Variants in CDKN3 observed in about 807,000 individuals in gnomAD.
The protein encoded by CDKN3 is cyclin-dependent kinase inhibitor 3.
CDKN3 carries 19 observed loss-of-function variants against 36.1 expected under a neutral mutation model. The ratio of observed to expected loss-of-function variants is 0.53; its 90% CI spans 0.37 to 0.77. The LOEUF (loss-of-function observed/expected upper bound fraction) is 0.77. CDKN3 is among the 30% of genes least tolerant of loss of function. The pLI is 0.00. For missense variants in CDKN3, 188 were observed against 248.6 expected, an observed-to-expected ratio of 0.76 and a Z score of 1.64; for synonymous variants, 71 against 85.3, an observed-to-expected ratio of 0.83 and a Z score of 0.92.
At chr14:54,411,417 C>T in intron 4 of CDKN3, 67 bp from the exon 5 acceptor site, 1 of 1,214,098 alleles carries the variant, frequency 8.2e-7, no homozygotes, top group Non-Finnish European at 1.2e-6. Context: ...TATTCTCCCT[C>T]TTGATGGTAT....
chr14:54,401,648 C>A, intron 3 of CDKN3, 69 bp downstream of exon 3: 1 of 1,104,294 alleles, frequency 9.1e-7, no homozygotes, highest in Non-Finnish European at 1.3e-6. Context: ...ATTGCAGTAG[C>A]TTTTGGGGGG....
At chr14:54,402,523 T>G (rs1283100068) in intron 3 of CDKN3, among the ~76,000 whole-genome samples, 1 of 152,214 alleles carries the variant, frequency 6.6e-6, no homozygotes, top group Non-Finnish European at 1.5e-5. Context: ...GATGATAGTT[T>G]CTTTTGCTGT....
At chr14:54,397,164 C>A in intron 1 of CDKN3, 87 bp downstream of exon 1, 1 of 1,345,476 alleles carries the variant, frequency 7.4e-7, no homozygotes, top group Non-Finnish European at 9.7e-7. Flanking sequence ...GGAGGGCAGC[C>A]CTAGCCTGGT....
At chr14:54,399,276 G>A (rs10147075) in intron 1 of CDKN3, among the ~76,000 whole-genome samples, 1,637 of 152,060 alleles carry the variant, frequency 0.011, 27 homozygotes, top group African/African-American at 0.037. Flanking sequence ...ATAAGCCACC[G>A]CACCCTCCCT....
At chr14:54,402,764 A>G (rs1054777994) in intron 3 of CDKN3, among the ~76,000 whole-genome samples, 7 of 152,216 alleles carry the variant, frequency 4.6e-5, no homozygotes, top group Non-Finnish European at 7.3e-5. Flanking sequence ...AGTTTTCTAC[A>G]TATGGCTAGC....
chr14:54,399,356 C>G (rs796636572), intron 1 of CDKN3, among the ~76,000 whole-genome samples: 29 of 152,296 alleles, frequency 1.9e-4, no homozygotes, highest in African/African-American at 5.5e-4. Flanking sequence ...GAAGCCTTCT[C>G]CAGCTACCTA....
At chr14:54,415,807 A>T (rs2030517882) in intron 5 of CDKN3, 92 bp from the exon 6 acceptor site, 2 of 871,458 alleles carry the variant, frequency 2.3e-6, no homozygotes, top group Admixed American at 3.4e-5. Flanking sequence ...TAGGCATTAG[A>T]GTTGTAAATA....
At chr14:54,404,643 C>T (rs528414387) in intron 3 of CDKN3, among the ~76,000 whole-genome samples, 1 of 152,090 alleles carries the variant, frequency 6.6e-6, no homozygotes, top group East Asian at 1.9e-4. Flanking sequence ...GGCACAATCT[C>T]GGCTCACTGC....
At chr14:54,419,774 C>G (rs922587235) in intron 7 of CDKN3, among the ~76,000 whole-genome samples, 1 of 152,124 alleles carries the variant, frequency 6.6e-6, no homozygotes, top group South Asian at 2.1e-4. Context: ...TTCATTTCAC[C>G]TTCTGATTTT....
chr14:54,417,002 G>A (rs2139989021), intron 6 of CDKN3, among the ~76,000 whole-genome samples: 1 of 152,272 alleles, frequency 6.6e-6, no homozygotes, highest in Admixed American at 6.5e-5. Context: ...CAATTAGGAA[G>A]GGTATTATAA....
intron 5 of CDKN3, 148 bp from the exon 6 acceptor site, chr14:54,415,751 A>G: frequency 1.4e-6 from 1 of 694,044 alleles, no homozygotes; most frequent in Non-Finnish European, 2.6e-6. Context: ...CTCTCAGTTG[A>G]TTAAATCAAA....
intron 5 of CDKN3, chr14:54,413,629 G>A (rs759553504): frequency 1.3e-6 from 2 of 1,535,168 alleles, no homozygotes; most frequent in South Asian, 2.4e-5. Flanking sequence ...GTCCTACGGT[G>A]ACTAGTTTAT....
chr14:54,397,562 G>A (rs530561758), intron 1 of CDKN3, among the ~76,000 whole-genome samples: 1 of 152,346 alleles, frequency 6.6e-6, no homozygotes, highest in South Asian at 2.1e-4. Context: ...AGGGCCACCT[G>A]GCAATGCTGC....
At chr14:54,407,247 C>A (rs1277864028) in intron 3 of CDKN3, among the ~76,000 whole-genome samples, 2 of 152,170 alleles carry the variant, frequency 1.3e-5, no homozygotes, top group Non-Finnish European at 2.9e-5. Flanking sequence ...CTGCCGGATG[C>A]CAGCTGGAGT....
rs948875742 is a variant in CDKN3, at chr14:54,418,227, C to T, written c.552+276C>T. On this transcript the variant is annotated intron_variant, in intron 7 of 7. Coordinates refer to ENST00000335183, the MANE Select transcript of CDKN3 (RefSeq NM_005192.4). ...TTACTTTTCCAGGATCTACCTACTT[C>T]TCAGTTTTTGCCCCAGTCCGTTTTG... 3 of 702,232 alleles carry T rather than the reference C, an allele frequency of 4.3e-6. No individual in the cohort carries two copies. The African/African-American group carries it at 5.2e-5, about 12-fold the overall frequency. 43.5% of individuals were successfully genotyped at this position (702,232 alleles called of 1,614,324 possible).
At chr14:54,408,387 A>G (rs1324601424) in intron 3 of CDKN3, among the ~76,000 whole-genome samples, 1 of 152,256 alleles carries the variant, frequency 6.6e-6, no homozygotes, top group African/African-American at 2.4e-5. Context: ...CTCATGGTGG[A>G]CTATAGTTAA....
At chr14:54,415,410 C>G (rs2030504250) in intron 5 of CDKN3, among the ~76,000 whole-genome samples, 1 of 152,222 alleles carries the variant, frequency 6.6e-6, no homozygotes, top group African/African-American at 2.4e-5. Context: ...CTTTACACAT[C>G]TAATAAGTGG....
At chr14:54,415,453 T>C (rs2030507287) in intron 5 of CDKN3, among the ~76,000 whole-genome samples, 1 of 152,246 alleles carries the variant, frequency 6.6e-6, no homozygotes, top group Admixed American at 6.5e-5. Flanking sequence ...GCAGTGGTGC[T>C]CCAGAGCCCA....
At chr14:54,418,091 C>T (rs1343393084) in intron 7 of CDKN3, 140 bp downstream of exon 7, 4 of 687,034 alleles carry the variant, frequency 5.8e-6, no homozygotes, top group Non-Finnish European at 1.1e-5. Flanking sequence ...TATTCAAATA[C>T]CACTTGCTTA....
Sources: allele counts gnomAD v4.1 joint callset (sites outside exome capture counted in the v4.1 genomes callset), GRCh38; gene constraint gnomAD v4.1.1; transcripts MANE v1.5; gene names NCBI Gene and HGNC (gene_info 2026-07-23, HGNC 2026-07-21).